NEXN: variants seen among roughly 807,000 people sequenced by gnomAD.
NEXN encodes nexilin F-actin binding protein, also known as nexilin.
A neutral mutation model predicts 92.6 loss-of-function variants in NEXN; 65 were observed. That is an observed-to-expected ratio of 0.70 (90% CI 0.57 to 0.86). The LOEUF (loss-of-function observed/expected upper bound fraction) is 0.86. Ranked by LOEUF, NEXN falls within the 40% of genes least tolerant of loss-of-function variation. The pLI is 0.00. For missense variants in NEXN, 778 were observed against 771.1 expected (o/e 1.01, Z -0.11); for synonymous variants, 254 against 242.5 (o/e 1.05, Z -0.44).
intron 11 of NEXN, among the ~76,000 whole-genome samples, chr1:77,940,276 G>A (rs1402035025): frequency 6.6e-6 from 1 of 152,076 alleles, no homozygotes; most frequent in African/African-American, 2.4e-5. Flanking sequence ...ATGCCCCATT[G>A]TATCTCAAGG....
chr1:77,913,312 G>A (rs949631744), intron 1 of NEXN, among the ~76,000 whole-genome samples: 1 of 151,980 alleles, frequency 6.6e-6, no homozygotes, highest in Non-Finnish European at 1.5e-5. Flanking sequence ...CTGCTCGGGA[G>A]GCTGAGACAG....
At chr1:77,905,651 A>G (rs987776803) in intron 1 of NEXN, among the ~76,000 whole-genome samples, 4 of 152,158 alleles carry the variant, frequency 2.6e-5, no homozygotes, top group African/African-American at 9.7e-5. Context: ...CAAAGACCTC[A>G]CCTTCTGGTC....
Position 77,925,245 on chromosome 1 carries a change from C to A in NEXN, c.489+16C>A. ...AGCATCAGAGGTAAACAGACATTTC[C>A]TTTAATGAAACATTCACCTAAAATT... On this transcript the variant is annotated intron_variant, in intron 6 of 12. Coordinates refer to ENST00000334785, the MANE Select transcript of NEXN (RefSeq NM_144573.4). 1 of 1,573,276 alleles carries A rather than the reference C, an allele frequency of 6.4e-7. No homozygotes were observed. The highest frequency in any genetic ancestry group is 8.7e-7 in the Non-Finnish European group (1 of 1,145,334).
At position 77,927,833 on chromosome 1, in the gene NEXN, A is replaced by AT. The variant is rs542346828; in HGVS notation, c.864+949dup. Among the ~76,000 whole-genome samples, 5 of 150,992 alleles carry AT rather than the reference A, an allele frequency of 3.3e-5. No homozygotes were observed. In the South Asian group the frequency reaches 1.1e-3, roughly 32 times the overall value. ...TTTTTTAACTTCCACAATGACTTGG[A>AT]TTTTTTTTCAATGCCTATTTCTTAA... On this transcript the variant is annotated intron_variant, in intron 8 of 12. Coordinates refer to ENST00000334785, the MANE Select transcript of NEXN (RefSeq NM_144573.4).
chr1:77,922,723 G>A (rs1039682910), intron 5 of NEXN, among the ~76,000 whole-genome samples: 2 of 150,918 alleles, frequency 1.3e-5, no homozygotes, highest in South Asian at 2.1e-4. Context: ...TCAGCCTCCC[G>A]TAGCTGGGAT....
chr1:77,926,365 C>A, intron 6 of NEXN, 49 bp from the exon 7 acceptor site: 1 of 1,378,040 alleles, frequency 7.3e-7, no homozygotes, highest in South Asian at 1.3e-5. Flanking sequence ...CCCATGAAAC[C>A]CAATTTTGAT....
At chr1:77,929,254 A>C in intron 8 of NEXN, 62 bp from the exon 9 acceptor site, 1 of 1,217,532 alleles carries the variant, frequency 8.2e-7, no homozygotes, top group South Asian at 1.2e-5. Flanking sequence ...CCTTTTGATT[A>C]ATAATTCATT....
intron 5 of NEXN, among the ~76,000 whole-genome samples, chr1:77,922,601 C>CTT (rs570526406): frequency 8.5e-5 from 12 of 140,370 alleles, no homozygotes; most frequent in African/African-American, 1.0e-4. Context: ...CAAAATTATT[C>CTT]TTTTTTTTTT....
At chr1:77,890,263 T>A (rs1467111358) in intron 1 of NEXN, among the ~76,000 whole-genome samples, 1 of 152,200 alleles carries the variant, frequency 6.6e-6, no homozygotes, top group East Asian at 1.9e-4. Flanking sequence ...ATTATGTAGT[T>A]TATCTGCAAT....
At chr1:77,928,837 A>C (rs1002063587) in intron 8 of NEXN, among the ~76,000 whole-genome samples, 14 of 152,160 alleles carry the variant, frequency 9.2e-5, no homozygotes, top group Non-Finnish European at 1.8e-4. Flanking sequence ...GCCTCAACCT[A>C]CTGGGCTCAA....
At chr1:77,901,976 CTTA>C (rs2102050594) in intron 1 of NEXN, among the ~76,000 whole-genome samples, 1 of 152,188 alleles carries the variant, frequency 6.6e-6, no homozygotes, top group South Asian at 2.1e-4. Flanking sequence ...AAATGTAAGC[CTTA>C]TTATATTTTT....
In NEXN at chr1:77,942,812, A is replaced by G. The variant is rs1483981258; in HGVS notation, c.2011A>G (p.Ile671Val). 1 of 1,602,628 alleles carries G rather than the reference A, an allele frequency of 6.2e-7. No homozygotes were observed. Residue 671 changes from isoleucine to valine, a missense_variant, in exon 13 of 13, where the codon ATT becomes GTT. Around this residue, in one of 3 missense-constraint regions of NEXN, gnomAD observed 532 missense variants for 476.7 expected, o/e 1.12. Transcript: ENST00000334785. ...TGCAGCTAGTACCTGTATTCTTACC[A>G]TTGAAAGTAAGAATTAATCACTCTT... ...GSAASTCILT[I>V]ESKN is the part of the protein sequence containing the mutation.
chr1:77,890,371 C>T (rs979992831), intron 1 of NEXN, among the ~76,000 whole-genome samples: 3 of 152,094 alleles, frequency 2.0e-5, no homozygotes, highest in Non-Finnish European at 4.4e-5. Context: ...ATAAAAGATT[C>T]ATATTTTAAA....
At chr1:77,907,663 T>A (rs1281366991) in intron 1 of NEXN, among the ~76,000 whole-genome samples, 1 of 152,184 alleles carries the variant, frequency 6.6e-6, no homozygotes, top group African/African-American at 2.4e-5. Context: ...TCATAGTAAA[T>A]TTTTAAAATC....
chr1:77,938,341 T>C (rs1193044681), intron 11 of NEXN, among the ~76,000 whole-genome samples: 1 of 152,140 alleles, frequency 6.6e-6, no homozygotes, highest in African/African-American at 2.4e-5. Flanking sequence ...TATGTGGATA[T>C]AATAAGCATT....
Position 77,942,682 on chromosome 1 carries a change from C to CTT in NEXN, c.1882_1883insTT (p.Tyr628PhefsTer59). 1 of 1,613,608 alleles carries CTT rather than the reference C, an allele frequency of 6.2e-7. No individual in the cohort carries two copies. The stretch of plus-strand genomic sequence containing the variant: ...GAGAAATACTGCAGGATGGAGAAGA[C>CTT]TATCAATATATTGAAAGGGGAGAAA... On this transcript the variant is annotated frameshift_variant, in exon 13 of 13. Transcript: ENST00000334785. LOFTEE classifies it high-confidence loss of function.
chr1:77,908,401 T>C (rs1166595114), intron 1 of NEXN, among the ~76,000 whole-genome samples: 1 of 137,328 alleles, frequency 7.3e-6, no homozygotes, highest in Non-Finnish European at 1.6e-5. Flanking sequence ...TCTATTTTTT[T>C]TTTTTTTTTT....
Position 77,936,188 on chromosome 1 carries a change from C to T in NEXN, c.1473+144C>T. 4 of 645,120 alleles carry T rather than the reference C, an allele frequency of 6.2e-6. No individual in the cohort carries two copies. In the South Asian group the frequency reaches 7.9e-5, roughly 13 times the overall value. The allele number at this position is 645,120 out of a possible 1,614,324, so 40.0% of individuals were successfully genotyped here. On this transcript the variant is annotated intron_variant, in intron 11 of 12. Coordinates refer to ENST00000334785, the MANE Select transcript of NEXN (RefSeq NM_144573.4). ...AATCTGGGAAGTAAATAGCAAAACACATGTAGATCTTAGACTTTGAAAGAC... is the reference window on the plus strand; with the variant it reads ...AATCTGGGAAGTAAATAGCAAAACATATGTAGATCTTAGACTTTGAAAGAC...
intron 8 of NEXN, among the ~76,000 whole-genome samples, chr1:77,927,466 T>G (rs1445308799): frequency 6.6e-6 from 1 of 152,208 alleles, no homozygotes. Flanking sequence ...TGATTATAAG[T>G]GTAAACTTGT....
Sources: gnomAD v4.1 joint callset for allele counts (sites outside exome capture counted in the v4.1 genomes callset) on GRCh38, gnomAD v4.1.1 for gene constraint, gnomAD v4.1.1 regional missense constraint, MANE v1.5 for transcripts, NCBI Gene and HGNC (gene_info 2026-07-23, HGNC 2026-07-21) for gene names.